Variants in GULP1 observed in about 807,000 individuals in gnomAD.
GULP1 encodes the protein GULP PTB domain containing engulfment adaptor 1, also known as PTB domain-containing engulfment adapter protein 1.
GULP1 carries 19 observed loss-of-function variants against 40.9 expected under a neutral mutation model. The ratio of observed to expected loss-of-function variants is 0.46; its 90% confidence interval spans 0.32 to 0.68. The LOEUF (loss-of-function observed/expected upper bound fraction) is 0.68. GULP1 is among the 30% of genes least tolerant of loss of function. The probability of loss-of-function intolerance (pLI) is 0.03; values close to 1 mark genes in which losing one functional copy is unlikely to be tolerated. For synonymous variants in GULP1, 119 were observed against 117.6 expected (o/e 1.01, Z -0.08); for missense variants, 312 against 362.2 (o/e 0.86, Z 1.12).
At chr2:188,394,010 C>G (rs909346677) in intron 2 of GULP1, among the ~76,000 whole-genome samples, 2 of 152,044 alleles carry the variant, frequency 1.3e-5, no homozygotes, top group African/African-American at 4.8e-5. Context: ...TTGGTCATGT[C>G]CTTTTTGCAA....
chr2:188,543,869 A>G (rs529532592), intron 7 of GULP1, among the ~76,000 whole-genome samples: 1 of 152,238 alleles, frequency 6.6e-6, no homozygotes, highest in African/African-American at 2.4e-5. Flanking sequence ...TCTTTTTAGT[A>G]CTTCTTTGAA....
intron 4 of GULP1, among the ~76,000 whole-genome samples, chr2:188,505,120 A>G (rs998610323): frequency 6.6e-6 from 1 of 151,788 alleles, no homozygotes; most frequent in Non-Finnish European, 1.5e-5. Context: ...TTCAAGATCA[A>G]TCATCAGCAA....
chr2:188,414,446 C>A (rs2054322204), intron 2 of GULP1, among the ~76,000 whole-genome samples: 1 of 152,084 alleles, frequency 6.6e-6, no homozygotes, highest in African/African-American at 2.4e-5. Flanking sequence ...ATGAATCTAG[C>A]CAGCAGGCAC....
chr2:188,413,655 A>G (rs920734973), intron 2 of GULP1, among the ~76,000 whole-genome samples: 2 of 152,214 alleles, frequency 1.3e-5, no homozygotes, highest in Admixed American at 1.3e-4. Flanking sequence ...AACAGCATGT[A>G]AGCTCCATTG....
chr2:188,466,566 C>G, intron 2 of GULP1: 1 of 151,668 alleles, frequency 6.6e-6, no homozygotes. Flanking sequence ...GCTGAGATTA[C>G]AGGTGATGGC....
At chr2:188,398,852 T>C (rs1279521890) in intron 2 of GULP1, among the ~76,000 whole-genome samples, 1 of 152,214 alleles carries the variant, frequency 6.6e-6, no homozygotes, top group Non-Finnish European at 1.5e-5. Flanking sequence ...TTTTTGTGTG[T>C]AAAGATTGAG....
At chr2:188,296,878 A>G (rs2035064916) in intron 1 of GULP1, among the ~76,000 whole-genome samples, 1 of 151,954 alleles carries the variant, frequency 6.6e-6, no homozygotes, top group Admixed American at 6.6e-5. Flanking sequence ...TAGACCTTAG[A>G]AACTTCCATA....
At chr2:188,543,587 T>G (rs1691114849) in intron 7 of GULP1, among the ~76,000 whole-genome samples, 1 of 152,204 alleles carries the variant, frequency 6.6e-6, no homozygotes, top group South Asian at 2.1e-4. Flanking sequence ...ATTCTCATTT[T>G]AAATAGTTTA....
chr2:188,399,457 C>T (rs1365074883), intron 2 of GULP1, among the ~76,000 whole-genome samples: 1 of 151,892 alleles, frequency 6.6e-6, no homozygotes, highest in Non-Finnish European at 1.5e-5. Context: ...GAGTAGGTCC[C>T]AAAGGCAACT....
chr2:188,356,506 T>C (rs1295522658), intron 1 of GULP1, among the ~76,000 whole-genome samples: 1 of 151,986 alleles, frequency 6.6e-6, no homozygotes, highest in East Asian at 1.9e-4. Flanking sequence ...CAAGAAAAAC[T>C]ACAAAACATT....
intron 7 of GULP1, among the ~76,000 whole-genome samples, chr2:188,545,846 A>G (rs1258533938): frequency 6.6e-6 from 1 of 151,936 alleles, no homozygotes; most frequent in East Asian, 1.9e-4. Flanking sequence ...TTGCAAACAT[A>G]ATGGTATAGG....
chr2:188,565,854 A>G (rs1697525722), intron 7 of GULP1, among the ~76,000 whole-genome samples: 2 of 152,114 alleles, frequency 1.3e-5, no homozygotes, highest in African/African-American at 4.8e-5. Context: ...AACAAAACCA[A>G]TGTGTTATTG....
rs192919450 is a variant in GULP1 at position 188,468,038 on chromosome 2, G to A, written c.-44-9621G>A. Among the ~76,000 whole-genome samples, 364 of 152,226 alleles carry A rather than the reference G, an allele frequency of 2.4e-3. 2 individuals carry two copies. The highest frequency in any genetic ancestry group is 8.1e-3 in the African/African-American group (338 of 41,560). ...ATATTTGGTATCAGAACAATCAACA[G>A]CGTTTGCTTGACTTCAATGAAACTT... On this transcript the variant is annotated intron_variant, in intron 2 of 11. Coordinates refer to ENST00000409830, the MANE Select transcript of GULP1 (RefSeq NM_016315.4).
At chr2:188,541,345 G>GT in intron 7 of GULP1, 27 bp downstream of exon 7, 1 of 1,600,488 alleles carries the variant, frequency 6.2e-7, no homozygotes. Flanking sequence ...TTGTAGGGTG[G>GT]TTTGTTCTGT....
chr2:188,593,245 A>G (rs527956486), intron 11 of GULP1: 32 of 152,156 alleles, frequency 2.1e-4, no homozygotes, highest in African/African-American at 7.7e-4. Flanking sequence ...GTGAAGGAGG[A>G]CAGACTCCTA....
intron 11 of GULP1, chr2:188,593,696 C>A (rs1704036839): frequency 6.9e-6 from 2 of 291,366 alleles, no homozygotes; most frequent in Non-Finnish European, 1.3e-5. Flanking sequence ...TTTATGTTTT[C>A]TCTTCTGTCT....
intron 1 of GULP1, among the ~76,000 whole-genome samples, chr2:188,375,214 A>G (rs2048146960): frequency 6.6e-6 from 1 of 152,194 alleles, no homozygotes; most frequent in African/African-American, 2.4e-5. Context: ...GTATAATTTG[A>G]GTGAAATTAT....
intron 2 of GULP1, among the ~76,000 whole-genome samples, chr2:188,389,619 A>G (rs1329870273): frequency 6.6e-6 from 1 of 152,206 alleles, no homozygotes; most frequent in Non-Finnish European, 1.5e-5. Flanking sequence ...AATTCTTTAA[A>G]AAAATTTCAG....
At chr2:188,335,300 G>A (rs538761525) in intron 1 of GULP1, among the ~76,000 whole-genome samples, 44 of 152,148 alleles carry the variant, frequency 2.9e-4, no homozygotes, top group Middle Eastern at 3.4e-3. Context: ...CTCTTCTTGT[G>A]GCTGTTGTGA....
Sources: gnomAD v4.1 joint callset for allele counts (sites outside exome capture counted in the v4.1 genomes callset) on GRCh38, gnomAD v4.1.1 for gene constraint, MANE v1.5 for transcripts, NCBI Gene and HGNC (gene_info 2026-07-23, HGNC 2026-07-21) for gene names.